Variants in NALF1 observed in about 807,000 individuals in gnomAD.
NALF1 encodes NALCN channel auxiliary factor 1.
A neutral mutation model predicts 48.4 loss-of-function variants in NALF1; 3 were observed. That is an observed-to-expected ratio of 0.06 (90% CI 0.03 to 0.16). NALF1 has a LOEUF of 0.16. Among genes scored for constraint, NALF1 ranks in the 10% least tolerant of loss-of-function variants. NALF1 has a pLI of 1.00. For missense variants in NALF1, 526 were observed against 571.5 expected (o/e 0.92, Z 0.81); for synonymous variants, 262 against 245.7 (o/e 1.07, Z -0.62).
intron 1 of NALF1, among the ~76,000 whole-genome samples, chr13:107,609,342 T>C (rs1018585009): frequency 1.3e-5 from 2 of 152,164 alleles, no homozygotes; most frequent in African/African-American, 4.8e-5. Context: ...GCTACCACCC[T>C]AGCTTCATCC....
intron 1 of NALF1, among the ~76,000 whole-genome samples, chr13:107,862,797 T>C (rs889196507): frequency 6.6e-6 from 1 of 151,880 alleles, no homozygotes; most frequent in African/African-American, 2.4e-5. Context: ...CAAAATGAAA[T>C]TTAATTTATT....
intron 1 of NALF1, among the ~76,000 whole-genome samples, chr13:107,454,458 A>G (rs1031465112): frequency 3.9e-5 from 6 of 152,146 alleles, no homozygotes; most frequent in Admixed American, 2.6e-4. Flanking sequence ...TTATAAAACC[A>G]TCAGATCTCG....
Position 107,435,790 on chromosome 13 carries a change from C to T in NALF1, c.916-225035G>A, listed in dbSNP as rs574164330. On this transcript the variant is annotated intron_variant, in intron 1 of 2. Coordinates refer to ENST00000375915, the MANE Select transcript of NALF1 (RefSeq NM_001080396.3). ...AGAAAGAATTAAGGGGGAAGGAAAG[C>T]GGCGGGGGAGGGGGGGAAGATACTG... 3.7e-4 allele frequency among the ~76,000 whole-genome samples: 53 copies of T among 144,580 alleles called. 2 individuals are homozygous for T. In the South Asian group the frequency reaches 0.01, roughly 28 times the overall value. The allele number at this position is 144,580 out of a possible 152,430, so 94.9% of individuals were successfully genotyped here. A position where few individuals can be genotyped will look rare whatever the true frequency, so the allele number is the denominator to read the frequency against.
rs1012249340 is a variant in NALF1, at chr13:107,373,807, T to C, written c.916-163052A>G. 3.9e-5 allele frequency among the ~76,000 whole-genome samples: 6 copies of C among 152,250 alleles called. No individual in the cohort carries two copies. The East Asian group carries it at 1.2e-3, about 30-fold the overall frequency. On this transcript the variant is annotated intron_variant, in intron 1 of 2. Coordinates refer to ENST00000375915, the MANE Select transcript of NALF1 (RefSeq NM_001080396.3). ...ACCACACAAAAAGCACATGTTTCAA[T>C]GTATAAAGGCCAAATAAATCTGGCC...
At chr13:107,467,893 A>G (rs1434504809) in intron 1 of NALF1, among the ~76,000 whole-genome samples, 1 of 151,886 alleles carries the variant, frequency 6.6e-6, no homozygotes, top group Non-Finnish European at 1.5e-5. Context: ...TAAATAAATA[A>G]AAAAATTAGC....
At chr13:107,606,690 A>G (rs929959755) in intron 1 of NALF1, among the ~76,000 whole-genome samples, 1 of 152,116 alleles carries the variant, frequency 6.6e-6, no homozygotes, top group Non-Finnish European at 1.5e-5. Context: ...GAGAGGAAAC[A>G]TTTCAAAAAT....
At chr13:107,863,692 G>A (rs1267513322) in intron 1 of NALF1, among the ~76,000 whole-genome samples, 1 of 152,144 alleles carries the variant, frequency 6.6e-6, no homozygotes, top group Non-Finnish European at 1.5e-5. Context: ...TAATCCAGAA[G>A]TAGGCAATAA....
intron 1 of NALF1, among the ~76,000 whole-genome samples, chr13:107,794,212 A>C (rs1015721028): frequency 6.6e-6 from 1 of 152,194 alleles, no homozygotes; most frequent in African/African-American, 2.4e-5. Context: ...TTGGAAATGA[A>C]GAACAAGAAC....
chr13:107,596,584 C>T (rs1259378420), intron 1 of NALF1, among the ~76,000 whole-genome samples: 1 of 152,016 alleles, frequency 6.6e-6, no homozygotes, highest in African/African-American at 2.4e-5. Flanking sequence ...GAAAACCAAA[C>T]ACTGCATGTT....
chr13:107,595,127 A>C (rs966403297), intron 1 of NALF1, among the ~76,000 whole-genome samples: 15 of 152,146 alleles, frequency 9.9e-5, no homozygotes, highest in Non-Finnish European at 2.1e-4. Context: ...GGTCCCAGAG[A>C]GGTTTAATAT....
intron 1 of NALF1, among the ~76,000 whole-genome samples, chr13:107,341,356 C>G (rs1185717924): frequency 1.3e-5 from 2 of 151,180 alleles, no homozygotes; most frequent in Non-Finnish European, 1.5e-5. Context: ...CCGAAATACC[C>G]TGTGTGTGTG....
intron 1 of NALF1, among the ~76,000 whole-genome samples, chr13:107,612,036 G>A (rs1349128380): frequency 2.3e-5 from 3 of 129,092 alleles, no homozygotes; most frequent in Non-Finnish European, 4.9e-5. Flanking sequence ...GAAAGAGGAG[G>A]CAGAGAAGGA....
intron 1 of NALF1, among the ~76,000 whole-genome samples, chr13:107,736,082 T>C (rs1413846717): frequency 1.3e-5 from 2 of 152,108 alleles, no homozygotes; most frequent in African/African-American, 4.8e-5. Context: ...TGGATCAAAG[T>C]TATCATGATG....
chr13:107,827,597 C>T (rs1188784988), intron 1 of NALF1, among the ~76,000 whole-genome samples: 1 of 152,190 alleles, frequency 6.6e-6, no homozygotes, highest in Non-Finnish European at 1.5e-5. Flanking sequence ...GCACCAGCCA[C>T]CTCTAGATCA....
chr13:107,751,807 G>A (rs1876944804), intron 1 of NALF1, among the ~76,000 whole-genome samples: 1 of 152,038 alleles, frequency 6.6e-6, no homozygotes, highest in African/African-American at 2.4e-5. Flanking sequence ...CCTAGCCAAT[G>A]TTTTACTATT....
chr13:107,575,031 T>A (rs1878093783), intron 1 of NALF1, among the ~76,000 whole-genome samples: 6 of 152,028 alleles, frequency 3.9e-5, no homozygotes, highest in Admixed American at 3.3e-4. Flanking sequence ...TTCCTGAGGC[T>A]TAGGAAGCGA....
chr13:107,328,834 T>G (rs112650663), intron 1 of NALF1, among the ~76,000 whole-genome samples: 1 of 152,224 alleles, frequency 6.6e-6, no homozygotes, highest in Non-Finnish European at 1.5e-5. Context: ...CTATCAAAAA[T>G]TTACCCCTTT....
At chr13:107,184,962 G>A (rs887952645) in intron 2 of NALF1, among the ~76,000 whole-genome samples, 6 of 152,096 alleles carry the variant, frequency 3.9e-5, no homozygotes, top group Non-Finnish European at 7.4e-5. Context: ...AGGTCATTAG[G>A]GGTTCCTTAA....
At chr13:107,529,943 C>T (rs1329516994) in intron 1 of NALF1, among the ~76,000 whole-genome samples, 1 of 152,068 alleles carries the variant, frequency 6.6e-6, no homozygotes, top group Non-Finnish European at 1.5e-5. Context: ...GCCAAACTCA[C>T]AATCTGCCTA....
Sources: gnomAD v4.1 joint callset for allele counts (sites outside exome capture counted in the v4.1 genomes callset) on GRCh38, gnomAD v4.1.1 for gene constraint, MANE v1.5 for transcripts, NCBI Gene and HGNC (gene_info 2026-07-23, HGNC 2026-07-21) for gene names.